Variants in NTRK2 observed in about 807,000 individuals in gnomAD.
NTRK2 encodes the protein BDNF/NT-3 growth factors receptor.
A neutral mutation model predicts 94.5 loss-of-function variants in NTRK2; 13 were observed. The ratio of observed to expected loss-of-function variants is 0.14; its 90% confidence interval spans 0.09 to 0.22. NTRK2 has a LOEUF of 0.22. Among genes scored for constraint, NTRK2 ranks in the 10% least tolerant of loss-of-function variants. The probability of loss-of-function intolerance (pLI) is 1.00; values close to 1 mark genes in which losing one functional copy is unlikely to be tolerated. For missense variants in NTRK2, 639 were observed against 1,071.2 expected, an observed-to-expected ratio of 0.60 and a Z score of 5.63; for synonymous variants, 372 against 407.4, an observed-to-expected ratio of 0.91 and a Z score of 1.05.
At chr9:84,924,151 G>A (rs2077661383) in intron 14 of NTRK2, among the ~76,000 whole-genome samples, 1 of 151,124 alleles carries the variant, frequency 6.6e-6, no homozygotes, top group Non-Finnish European at 1.5e-5. Flanking sequence ...GGTTGAGGCT[G>A]CAGTGAGCTG....
chr9:84,789,718 C>T (rs1282512955), intron 12 of NTRK2, among the ~76,000 whole-genome samples: 3 of 152,168 alleles, frequency 2.0e-5, no homozygotes, highest in East Asian at 3.9e-4. Flanking sequence ...CCCTTAGCCC[C>T]TCTCTCTGGT....
At chr9:84,937,125 A>G (rs887940444) in intron 15 of NTRK2, among the ~76,000 whole-genome samples, 1 of 152,198 alleles carries the variant, frequency 6.6e-6, no homozygotes. Context: ...GGAGCCTGGG[A>G]AGAAAATGTC....
intron 12 of NTRK2, among the ~76,000 whole-genome samples, chr9:84,820,945 T>C (rs1403401401): frequency 6.6e-6 from 1 of 152,198 alleles, no homozygotes; most frequent in African/African-American, 2.4e-5. Flanking sequence ...CTTCTGGCAT[T>C]GTTTCTCTGA....
At chr9:84,825,559 A>T (rs761515688) in intron 12 of NTRK2, among the ~76,000 whole-genome samples, 2 of 152,192 alleles carry the variant, frequency 1.3e-5, no homozygotes, top group Non-Finnish European at 2.9e-5. Flanking sequence ...TCATTAAAAC[A>T]AGGGTGGGGT....
Position 84,812,443 on chromosome 9 carries a change from C to T in NTRK2, c.1397-48597C>T, listed in dbSNP as rs201341531. The T allele has an allele frequency of 1.7e-4, 184 of 1,054,546 alleles. No homozygotes were observed. The African/African-American group carries it at 2.8e-3, about 16-fold the overall frequency. The allele number at this position is 1,054,546 out of a possible 1,614,324, so 65.3% of individuals were successfully genotyped here. On this transcript the variant is annotated intron_variant, in intron 12 of 18. Coordinates refer to ENST00000277120, the MANE Select transcript of NTRK2 (RefSeq NM_006180.6). ...ATTTGAATGTAAGGGCAGCTGGCCC[C>T]CAATGTGGGGAGGTCCGAACATTTT...
intron 14 of NTRK2, among the ~76,000 whole-genome samples, chr9:84,905,779 G>T: frequency 6.6e-6 from 1 of 152,190 alleles, no homozygotes; most frequent in Admixed American, 6.5e-5. Context: ...CTGAAAGGAG[G>T]AAGGGTCTTG....
At chr9:84,697,599 C>A (rs1239337003) in intron 2 of NTRK2, among the ~76,000 whole-genome samples, 1 of 152,216 alleles carries the variant, frequency 6.6e-6, no homozygotes, top group East Asian at 1.9e-4. Flanking sequence ...CCTGGCACTT[C>A]CTCTCTCCTT....
intron 17 of NTRK2, among the ~76,000 whole-genome samples, chr9:84,981,491 A>T (rs1480635601): frequency 1.3e-5 from 2 of 152,164 alleles, no homozygotes; most frequent in Non-Finnish European, 2.9e-5. Context: ...GTATGTAGTT[A>T]CTTGTGTATA....
At chr9:84,707,968 T>C in intron 5 of NTRK2, 56 bp downstream of exon 5, 2 of 1,411,548 alleles carry the variant, frequency 1.4e-6, no homozygotes, top group South Asian at 2.3e-5. Context: ...AAGGGGTAAT[T>C]AAGTATTTTT....
intron 2 of NTRK2, among the ~76,000 whole-genome samples, chr9:84,686,331 A>G (rs768352578): frequency 1.3e-5 from 2 of 152,230 alleles, no homozygotes; most frequent in Non-Finnish European, 2.9e-5. Context: ...CTGCAGATGA[A>G]GAGAGATGCA....
rs182977066 is a variant in NTRK2, at chr9:84,950,144, G to A, written c.1937+1510G>A. ...AGAATAAGTATAGAAAGCTCTTAGCGTAGGAGCGAATGGGGAACGTTCAAT... is the reference window on the plus strand; with the variant it reads ...AGAATAAGTATAGAAAGCTCTTAGCATAGGAGCGAATGGGGAACGTTCAAT... On this transcript the variant is annotated intron_variant, in intron 16 of 18. Coordinates refer to ENST00000277120, the MANE Select transcript of NTRK2 (RefSeq NM_006180.6). 4.6e-5 allele frequency among the ~76,000 whole-genome samples: 7 copies of A among 152,326 alleles called. No individual in the cohort carries two copies. In the East Asian group the frequency reaches 7.7e-4, roughly 17 times the overall value.
At chr9:84,955,740 T>C in intron 17 of NTRK2, 1 of 637,150 alleles carries the variant, frequency 1.6e-6, no homozygotes, top group East Asian at 2.8e-5. Flanking sequence ...GGCTGCCTTC[T>C]CACTATGCCC....
intron 12 of NTRK2, among the ~76,000 whole-genome samples, chr9:84,808,772 A>C (rs1327568615): frequency 6.6e-6 from 1 of 152,202 alleles, no homozygotes; most frequent in East Asian, 1.9e-4. Context: ...GTTCTTTTGG[A>C]AGGGCAGGAG....
Position 84,670,908 on chromosome 9 carries a change from G to T in NTRK2, c.160G>T (p.Ala54Ser). The T allele has an allele frequency of 6.2e-7, 1 of 1,610,898 alleles. No individual in the cohort carries two copies. Among genetic ancestry groups the T allele is most frequent in the Non-Finnish European group, 8.5e-7 (1 of 1,180,022 alleles). ...CAGCGACCCTTCTCCTGGCATCGTGGCATTTCCGAGATTGGAGCCTAACAG... is the reference window on the plus strand; with the variant it reads ...CAGCGACCCTTCTCCTGGCATCGTGTCATTTCCGAGATTGGAGCCTAACAG... Reference protein sequence around the residue: ...WCSDPSPGIVAFPRLEPNSVD... With the variant: ...WCSDPSPGIVSFPRLEPNSVD... The change falls in exon 2 of 19, where the codon GCA (alanine) becomes TCA (serine). Residue 54 changes from alanine (A) to serine (S), a missense_variant. Physicochemically the swap from Ala to Ser is moderately conservative, Grantham distance 99. Coordinates refer to ENST00000277120, the MANE Select transcript of NTRK2 (RefSeq NM_006180.6).
At chr9:85,021,140 A>G in intron 18 of NTRK2, 112 bp from the exon 19 acceptor site, 1 of 887,584 alleles carries the variant, frequency 1.1e-6, no homozygotes. Context: ...AACAAAACCA[A>G]GAGTGGGCTT....
chr9:84,995,981 A>C (rs1829703562), intron 17 of NTRK2, among the ~76,000 whole-genome samples: 1 of 152,256 alleles, frequency 6.6e-6, no homozygotes. Flanking sequence ...TAAAGGAAAC[A>C]GATCTCTAAA....
Position 85,023,377 on chromosome 9 carries a change from G to A in NTRK2, c.*1940G>A, listed in dbSNP as rs568363489. On this transcript the variant is annotated 3_prime_UTR_variant, in exon 19 of 19. Coordinates refer to ENST00000277120, the MANE Select transcript of NTRK2 (RefSeq NM_006180.6). ...TAGCTCTGTTTTAGGTTTTGCTTGC[G>A]CCTGTTAATTACTGGAACACCTTAT... 2.6e-5 allele frequency: 6 copies of A among 232,278 alleles called. No homozygotes were observed. The highest frequency in any genetic ancestry group is 6.1e-5 in the East Asian group (1 of 16,438). 14.4% of individuals were successfully genotyped at this position (232,278 alleles called of 1,614,324 possible). A position where few individuals can be genotyped will look rare whatever the true frequency, so the allele number is the denominator to read the frequency against.
At chr9:84,793,057 G>A (rs571063437) in intron 12 of NTRK2, among the ~76,000 whole-genome samples, 11 of 152,282 alleles carry the variant, frequency 7.2e-5, no homozygotes, top group African/African-American at 2.6e-4. Context: ...TACAGAGCGT[G>A]CACAGTTAGA....
chr9:84,926,188 T>G (rs2077800111), intron 14 of NTRK2, among the ~76,000 whole-genome samples: 1 of 133,500 alleles, frequency 7.5e-6, no homozygotes, highest in Non-Finnish European at 1.6e-5. Context: ...CTTTCTTTCT[T>G]TCTTTCTTTC....
Sources: gnomAD v4.1 joint callset for allele counts (sites outside exome capture counted in the v4.1 genomes callset) on GRCh38, gnomAD v4.1.1 for gene constraint, MANE v1.5 for transcripts, NCBI Gene and HGNC (gene_info 2026-07-23, HGNC 2026-07-21) for gene names.